The following CLEC4C variants were observed in gnomAD, a reference collection of about 807,000 sequenced individuals.
CLEC4C encodes the protein C-type (calcium dependent, carbohydrate-recognition domain) lectin, superfamily member 11.
Under a neutral mutation model 27.7 loss-of-function variants are expected in CLEC4C, and 17 were observed. That is an observed-to-expected ratio of 0.61 (90% CI 0.42 to 0.92). The LOEUF (loss-of-function observed/expected upper bound fraction) is 0.92. CLEC4C is among the 40% of genes least tolerant of loss of function. The pLI is 0.00. For synonymous variants in CLEC4C, 80 were observed against 80.8 expected (o/e 0.99, Z 0.06); for missense variants, 244 against 257.3 (o/e 0.95, Z 0.35).
intron 2 of CLEC4C, among the ~76,000 whole-genome samples, chr12:7,744,577 CTTTG>C (rs143523543): frequency 0.1 from 15,874 of 152,088 alleles, 1,111 homozygotes; most frequent in Middle Eastern, 0.22. Flanking sequence ...TAATAGTTTA[CTTTG>C]TTTATTTTTC....
intron 4 of CLEC4C, among the ~76,000 whole-genome samples, 198 bp downstream of exon 4, chr12:7,737,231 C>CA (rs1054852133): frequency 1.3e-5 from 2 of 149,444 alleles, no homozygotes; most frequent in African/African-American, 2.5e-5. Flanking sequence ...ACAGTCCCCC[C>CA]AAAAAAAATA....
chr12:7,735,056 C>T (rs745314019), intron 4 of CLEC4C, among the ~76,000 whole-genome samples: 1 of 151,468 alleles, frequency 6.6e-6, no homozygotes, highest in African/African-American at 2.4e-5. Flanking sequence ...CAAAAATTAG[C>T]CAGGAGCGGT....
intron 2 of CLEC4C, among the ~76,000 whole-genome samples, chr12:7,746,120 C>A (rs1308447085): frequency 6.7e-6 from 1 of 149,108 alleles, no homozygotes; most frequent in East Asian, 2.0e-4. Flanking sequence ...GAGGCTGAGG[C>A]AGGCGAATGG....
At chr12:7,738,827 T>A (rs1864786525) in intron 3 of CLEC4C, among the ~76,000 whole-genome samples, 1 of 152,138 alleles carries the variant, frequency 6.6e-6, no homozygotes, top group South Asian at 2.1e-4. Flanking sequence ...TGTTTTGTTT[T>A]TAATTATACT....
chr12:7,742,646 T>C (rs1010871012), intron 2 of CLEC4C, among the ~76,000 whole-genome samples: 4 of 151,328 alleles, frequency 2.6e-5, no homozygotes, highest in Non-Finnish European at 5.9e-5. Flanking sequence ...CCATCTCTAC[T>C]AAAAATACAA....
chr12:7,747,827 T>C (rs139717212), upstream of CLEC4C, among the ~76,000 whole-genome samples: 850 of 145,022 alleles, frequency 5.9e-3, 7 homozygotes, highest in African/African-American at 0.02. Flanking sequence ...TTTTTAGTAG[T>C]GACAGGGTTT....
chr12:7,747,632 CTTTTTTTTTTT>C (rs201227947), upstream of CLEC4C: 843 of 88,440 alleles, frequency 9.5e-3, 18 homozygotes, highest in African/African-American at 0.033. Context: ...GTCTGATTGT[CTTTTTTTTTTT>C]TTTTTTTTTT....
At chr12:7,736,456 A>G (rs1864727807) in intron 4 of CLEC4C, among the ~76,000 whole-genome samples, 1 of 152,196 alleles carries the variant, frequency 6.6e-6, no homozygotes. Flanking sequence ...ATTGGTTGAC[A>G]TTTCTTAGAT....
intron 1 of CLEC4C, among the ~76,000 whole-genome samples, chr12:7,746,834 T>G (rs1454199199): frequency 6.6e-6 from 1 of 152,014 alleles, no homozygotes; most frequent in Non-Finnish European, 1.5e-5. Context: ...TCTTTTTTTC[T>G]TTTTTTTGAG....
At chr12:7,734,853 T>A (rs377022252) in intron 4 of CLEC4C, among the ~76,000 whole-genome samples, 1 of 151,338 alleles carries the variant, frequency 6.6e-6, no homozygotes, top group South Asian at 2.1e-4. Flanking sequence ...TGGCCTCCAA[T>A]TATTTTTATA....
rs1180685371 is a variant in CLEC4C, at chr12:7,738,428, TAACA to T, written c.236-858_236-855del. Among the ~76,000 whole-genome samples the T allele has an allele frequency of 2.6e-5, 4 of 152,310 alleles. No homozygotes were observed. In the East Asian group the frequency reaches 5.8e-4, roughly 22 times the overall value. On this transcript the variant is annotated intron_variant, in intron 3 of 5. Coordinates refer to ENST00000360345, the MANE Select transcript of CLEC4C (RefSeq NM_001371390.1). ...CAAACGAGATTATATACATTCCCTC[TAACA>T]AACAGTGACAATGTAGACCATATCA...
At chr12:7,732,253 C>G (rs1215382610) in intron 4 of CLEC4C, among the ~76,000 whole-genome samples, 1 of 152,076 alleles carries the variant, frequency 6.6e-6, no homozygotes. Flanking sequence ...TGGTCTCAAA[C>G]TCGTGACCTC....
At chr12:7,746,523 G>T in intron 1 of CLEC4C, 100 bp from the exon 2 acceptor site, 1 of 694,652 alleles carries the variant, frequency 1.4e-6, no homozygotes, top group South Asian at 1.7e-5. Flanking sequence ...GTCAGGCTAT[G>T]ATCAAAACTA....
chr12:7,749,065 C>G (rs143683686), upstream of CLEC4C: 1 of 152,152 alleles, frequency 6.6e-6, no homozygotes, highest in Admixed American at 6.6e-5. Flanking sequence ...ACACAACACC[C>G]GACACTGGAC....
chr12:7,739,918 T>A (rs1565462119), intron 3 of CLEC4C, among the ~76,000 whole-genome samples: 2 of 149,884 alleles, frequency 1.3e-5, no homozygotes. Flanking sequence ...CACCACAACC[T>A]CCACCTCCCA....
chr12:7,732,562 C>T (rs1290807513), intron 4 of CLEC4C, among the ~76,000 whole-genome samples: 1 of 149,484 alleles, frequency 6.7e-6, no homozygotes, highest in Non-Finnish European at 1.5e-5. Context: ...CCATGTTGGC[C>T]AGGATGGTCT....
chr12:7,746,813 C>T (rs1186364580), intron 1 of CLEC4C, among the ~76,000 whole-genome samples: 1 of 152,216 alleles, frequency 6.6e-6, no homozygotes, highest in Non-Finnish European at 1.5e-5. Context: ...CTTCTAGGCC[C>T]GAGTTGTTTT....
chr12:7,743,449 A>G (rs967487532), intron 2 of CLEC4C, among the ~76,000 whole-genome samples: 5 of 148,086 alleles, frequency 3.4e-5, no homozygotes, highest in African/African-American at 5.0e-5. Context: ...CAGTGGCGCG[A>G]TCTTGGCTCA....
At chr12:7,748,342 A>G (rs1379960681), upstream of CLEC4C, among the ~76,000 whole-genome samples, 2 of 152,146 alleles carry the variant, frequency 1.3e-5, no homozygotes, top group Non-Finnish European at 2.9e-5. Context: ...CCTGGCCAAC[A>G]TGGTGAAACC....
Sources: gnomAD v4.1 joint callset for allele counts (sites outside exome capture counted in the v4.1 genomes callset) on GRCh38, gnomAD v4.1.1 for gene constraint, MANE v1.5 for transcripts, NCBI Gene and HGNC (gene_info 2026-07-23, HGNC 2026-07-21) for gene names.